The following PCP4 variants were observed in gnomAD, a reference collection of about 807,000 sequenced individuals.
PCP4 encodes calmodulin regulator protein PCP4.
Under a neutral mutation model 10.0 loss-of-function variants are expected in PCP4, and 8 were observed. The ratio of observed to expected loss-of-function variants is 0.80; its 90% CI spans 0.47 to 1.45. The LOEUF (loss-of-function observed/expected upper bound fraction) is 1.45, where lower values mean the gene tolerates loss of function less well. Among genes scored for constraint, PCP4 ranks in the 40% most tolerant of loss-of-function variants. The pLI, the probability that PCP4 is intolerant of heterozygous loss-of-function variation, is 0.00. For missense variants in PCP4, 54 were observed against 74.4 expected, an observed-to-expected ratio of 0.73 and a Z score of 1.01; for synonymous variants, 21 against 23.0, an observed-to-expected ratio of 0.91 and a Z score of 0.24.
chr21:39,897,571 C>T (rs2087462930), intron 1 of PCP4, among the ~76,000 whole-genome samples: 1 of 152,038 alleles, frequency 6.6e-6, no homozygotes, highest in African/African-American at 2.4e-5. Context: ...TCACGCGGCT[C>T]CCCAGACTTC....
intron 2 of PCP4, among the ~76,000 whole-genome samples, chr21:39,916,573 G>C (rs1413900334): frequency 1.3e-5 from 2 of 152,184 alleles, no homozygotes; most frequent in African/African-American, 4.8e-5. Flanking sequence ...CAAAGATCTA[G>C]AAGCAGAAAT....
intron 1 of PCP4, among the ~76,000 whole-genome samples, chr21:39,874,465 A>G (rs1310897750): frequency 6.6e-6 from 1 of 152,172 alleles, no homozygotes; most frequent in Admixed American, 6.5e-5. Flanking sequence ...TTCCCGTAGC[A>G]CCACATCTGT....
chr21:39,880,620 C>A lies in PCP4; in HGVS notation c.9+13110C>A, dbSNP rs186821985. ...TTATCCAGGTGAAAGCATCCGCTGG[C>A]CAGTTTTGTCCCACGTCTTTTTCTA... On this transcript the variant is annotated intron_variant, in intron 1 of 2. Coordinates refer to ENST00000328619, the MANE Select transcript of PCP4 (RefSeq NM_006198.3). 3.9e-5 allele frequency among the ~76,000 whole-genome samples: 6 copies of A among 152,280 alleles called. No homozygotes were observed. In the East Asian group the frequency reaches 1.2e-3, roughly 29 times the overall value.
intron 1 of PCP4, among the ~76,000 whole-genome samples, chr21:39,870,926 G>T (rs191245928): frequency 6.6e-6 from 1 of 152,182 alleles, no homozygotes; most frequent in South Asian, 2.1e-4. Context: ...GACATTGGCC[G>T]CAGGGCAAGG....
chr21:39,899,819 G>T (rs1052900274), intron 2 of PCP4, among the ~76,000 whole-genome samples: 4 of 152,182 alleles, frequency 2.6e-5, no homozygotes, highest in African/African-American at 9.6e-5. Flanking sequence ...GCAAAGGATG[G>T]GGCTTAAAAG....
At chr21:39,894,135 T>C (rs1463467361) in intron 1 of PCP4, among the ~76,000 whole-genome samples, 1 of 152,170 alleles carries the variant, frequency 6.6e-6, no homozygotes, top group Non-Finnish European at 1.5e-5. Flanking sequence ...GAGCTGAGTA[T>C]TGTGATATAG....
intron 1 of PCP4, among the ~76,000 whole-genome samples, chr21:39,867,877 G>A (rs1225598725): frequency 1.3e-5 from 2 of 152,194 alleles, no homozygotes; most frequent in African/African-American, 4.8e-5. Context: ...TGAGTGGGCA[G>A]GTGGTCATCT....
intron 2 of PCP4, among the ~76,000 whole-genome samples, chr21:39,912,840 G>T (rs1399584459): frequency 2.0e-5 from 3 of 152,124 alleles, no homozygotes; most frequent in African/African-American, 7.2e-5. Flanking sequence ...CTCCAGAGTA[G>T]CTGGGACTAC....
In PCP4 at chr21:39,872,288, C is replaced by T. The variant is rs187835967; in HGVS notation, c.9+4778C>T. Among the ~76,000 whole-genome samples the T allele has an allele frequency of 6.5e-3, 986 of 152,246 alleles. 7 individuals are homozygous for T. Among genetic ancestry groups the T allele is most frequent in the Middle Eastern group, 0.024 (7 of 294 alleles). Reference sequence around the variant, plus strand: ...TGCTGGGATTACAGGTGTGAGCCACCGCACCCAACCTGCGTTATTTTTTAA... The same window carrying T: ...TGCTGGGATTACAGGTGTGAGCCACTGCACCCAACCTGCGTTATTTTTTAA... On this transcript the variant is annotated intron_variant, in intron 1 of 2. Transcript: ENST00000328619.
At chr21:39,874,454 GT>G (rs2087334883) in intron 1 of PCP4, among the ~76,000 whole-genome samples, 1 of 152,174 alleles carries the variant, frequency 6.6e-6, no homozygotes, top group South Asian at 2.1e-4. Flanking sequence ...ACAGTCATCT[GT>G]TCCCGTAGCA....
At chr21:39,867,853 T>G (rs576317240) in intron 1 of PCP4, among the ~76,000 whole-genome samples, 6 of 152,280 alleles carry the variant, frequency 3.9e-5, no homozygotes, top group African/African-American at 1.2e-4. Context: ...CCCGCGGTGA[T>G]ACCTTTCAGA....
chr21:39,920,247 T>C (rs909639617), intron 2 of PCP4, among the ~76,000 whole-genome samples: 1 of 140,130 alleles, frequency 7.1e-6, no homozygotes, highest in African/African-American at 2.7e-5. Flanking sequence ...TTGTGTGATA[T>C]GTGTTTGGTG....
chr21:39,923,286 G>A (rs764905837), intron 2 of PCP4, among the ~76,000 whole-genome samples: 10 of 152,214 alleles, frequency 6.6e-5, no homozygotes, highest in Non-Finnish European at 8.8e-5. Context: ...AGCCTGCCAC[G>A]TGGTCAGGCA....
intron 2 of PCP4, among the ~76,000 whole-genome samples, chr21:39,911,131 T>C (rs188023390): frequency 5.3e-4 from 80 of 152,204 alleles, no homozygotes; most frequent in Admixed American, 1.6e-3. Flanking sequence ...ACAGGAGAAA[T>C]ACGATGTATT....
At chr21:39,885,334 ACGAGCCTGAGGCCTAGCCG>A (rs771362632) in intron 1 of PCP4, among the ~76,000 whole-genome samples, 1 of 152,166 alleles carries the variant, frequency 6.6e-6, no homozygotes, top group Non-Finnish European at 1.5e-5. Flanking sequence ...CTAAGAAGCA[ACGAGCCTGAGGCCTAGCCG>A]CGAGCCTGAG....
Position 39,919,600 on chromosome 21 carries a change from AAG to A in PCP4, c.62-9381_62-9380del, listed in dbSNP as rs1478642753. On this transcript the variant is annotated intron_variant, in intron 2 of 2. Transcript: ENST00000328619. ...TCTATCAAATCAATCTTAAAATATG[AAG>A]AGTGATAAATATGTAAATTAAAGCA... is the stretch of plus-strand genomic sequence containing the variant. Among the ~76,000 whole-genome samples, 4 of 152,166 alleles carry A rather than the reference AAG, an allele frequency of 2.6e-5. No individual in the cohort carries two copies. The East Asian group carries it at 7.7e-4, about 29-fold the overall frequency.
chr21:39,909,661 C>T (rs1416098918), intron 2 of PCP4, among the ~76,000 whole-genome samples: 1 of 152,132 alleles, frequency 6.6e-6, no homozygotes, highest in Non-Finnish European at 1.5e-5. Flanking sequence ...ACTGGGAAGT[C>T]AGCGACGTGG....
chr21:39,891,741 C>T (rs1476507271), intron 1 of PCP4, among the ~76,000 whole-genome samples: 1 of 152,188 alleles, frequency 6.6e-6, no homozygotes, highest in Non-Finnish European at 1.5e-5. Flanking sequence ...CACGTGATTA[C>T]AGGATAGGGG....
rs28448347 is a variant in PCP4, at chr21:39,927,335, A to G, written c.62-1649A>G. 5.4e-4 allele frequency among the ~76,000 whole-genome samples: 41 copies of G among 76,616 alleles called. No homozygotes were observed. In the East Asian group the frequency reaches 6.4e-3, roughly 12 times the overall value. The allele number at this position is 76,616 out of a possible 152,430, so 50.3% of individuals were successfully genotyped here. On this transcript the variant is annotated intron_variant, in intron 2 of 2. Coordinates refer to ENST00000328619, the MANE Select transcript of PCP4 (RefSeq NM_006198.3). ...CTATCTATCTATCATCTATCTATCT[A>G]TCTGTCTATCTATCTATCTATCTAT...
Sources: gnomAD v4.1 joint callset for allele counts (sites outside exome capture counted in the v4.1 genomes callset) on GRCh38, gnomAD v4.1.1 for gene constraint, MANE v1.5 for transcripts, NCBI Gene and HGNC (gene_info 2026-07-23, HGNC 2026-07-21) for gene names.